VEPH1: variants seen among roughly 807,000 people sequenced by gnomAD.
VEPH1 encodes the protein ventricular zone-expressed PH domain-containing protein homolog 1.
In VEPH1, 80 loss-of-function variants were observed where a neutral mutation model predicts 85.2. That is an observed-to-expected ratio of 0.94 (90% CI 0.78 to 1.13). The LOEUF (loss-of-function observed/expected upper bound fraction) is 1.13. Ranked by LOEUF, VEPH1 falls within the 50% of genes most tolerant of loss-of-function variation. VEPH1 has a pLI of 0.00. For missense variants in VEPH1, 955 were observed against 980.5 expected (o/e 0.97, Z 0.35); for synonymous variants, 297 against 348.0 (o/e 0.85, Z 1.63).
At chr3:157,341,717 T>A (rs1284714905) in intron 9 of VEPH1, among the ~76,000 whole-genome samples, 1 of 151,892 alleles carries the variant, frequency 6.6e-6, no homozygotes, top group East Asian at 1.9e-4. Context: ...CCAAGACACA[T>A]AATTGTCAGA....
intron 2 of VEPH1, among the ~76,000 whole-genome samples, chr3:157,486,867 T>G (rs1316969856): frequency 4.6e-5 from 7 of 152,080 alleles, no homozygotes; most frequent in Non-Finnish European, 1.0e-4. Context: ...AGATTTAACT[T>G]AACAACAAAA....
At chr3:157,440,020 G>A (rs899370089) in intron 4 of VEPH1, among the ~76,000 whole-genome samples, 2 of 152,190 alleles carry the variant, frequency 1.3e-5, no homozygotes, top group African/African-American at 4.8e-5. Context: ...AAAGTGCTGG[G>A]ATTACAGGTG....
At chr3:157,385,421 A>C (rs2108886478) in intron 6 of VEPH1, among the ~76,000 whole-genome samples, 1 of 152,292 alleles carries the variant, frequency 6.6e-6, no homozygotes, top group South Asian at 2.1e-4. Context: ...TACACTCTTG[A>C]AAATGATCAA....
rs575685541 is a variant in VEPH1, at chr3:157,403,723, T to C, written c.906+10158A>G. Among the ~76,000 whole-genome samples, 6 of 152,228 alleles carry C rather than the reference T, an allele frequency of 3.9e-5. No individual in the cohort carries two copies. The South Asian group carries it at 1.2e-3, about 32-fold the overall frequency. On this transcript the variant is annotated intron_variant, in intron 6 of 13. Coordinates refer to ENST00000362010, the MANE Select transcript of VEPH1 (RefSeq NM_001167912.2). Reference sequence around the variant, plus strand: ...TGACATTGTCAAAGATTATGACTGTTAAAGGTTACTGATTATTTACATAAA... The same window carrying C: ...TGACATTGTCAAAGATTATGACTGTCAAAGGTTACTGATTATTTACATAAA...
At chr3:157,272,111 G>A (rs1004536221) in intron 12 of VEPH1, among the ~76,000 whole-genome samples, 9 of 152,174 alleles carry the variant, frequency 5.9e-5, no homozygotes, top group Admixed American at 5.2e-4. Context: ...CTGTAAGGTG[G>A]ATGCCTAATA....
chr3:157,408,246 T>A (rs745412078), intron 6 of VEPH1, among the ~76,000 whole-genome samples: 11 of 152,112 alleles, frequency 7.2e-5, no homozygotes, highest in Non-Finnish European at 1.2e-4. Context: ...CCTTGGCTCA[T>A]CACATGTTTG....
At chr3:157,432,793 A>C (rs538205614) in intron 4 of VEPH1, among the ~76,000 whole-genome samples, 16 of 152,184 alleles carry the variant, frequency 1.1e-4, no homozygotes, top group Non-Finnish European at 2.1e-4. Context: ...GAAAAACCAG[A>C]CTGGGACTTC....
chr3:157,400,581 A>G (rs1218593133), intron 6 of VEPH1, among the ~76,000 whole-genome samples: 2 of 152,122 alleles, frequency 1.3e-5, no homozygotes, highest in Non-Finnish European at 2.9e-5. Flanking sequence ...AAGGGCAGAA[A>G]ACTTGACATG....
chr3:157,445,449 G>A (rs1051845709), intron 4 of VEPH1, among the ~76,000 whole-genome samples: 7 of 152,018 alleles, frequency 4.6e-5, no homozygotes, highest in Non-Finnish European at 1.0e-4. Context: ...GGTGAAACCC[G>A]TTTCTACTAA....
At chr3:157,477,360 T>C (rs1233228186) in intron 2 of VEPH1, among the ~76,000 whole-genome samples, 1 of 152,164 alleles carries the variant, frequency 6.6e-6, no homozygotes, top group East Asian at 1.9e-4. Context: ...CTTGATTATA[T>C]TGGGCCCACC....
intron 7 of VEPH1, among the ~76,000 whole-genome samples, chr3:157,373,225 C>T (rs1727707730): frequency 6.6e-6 from 1 of 152,170 alleles, no homozygotes; most frequent in African/African-American, 2.4e-5. Context: ...TGCACACTTC[C>T]TCTAAGTAGG....
intron 4 of VEPH1, among the ~76,000 whole-genome samples, chr3:157,457,234 C>T (rs1434186816): frequency 6.6e-6 from 1 of 152,166 alleles, no homozygotes; most frequent in Non-Finnish European, 1.5e-5. Flanking sequence ...ATTTTTGTAT[C>T]CTGAGACTTT....
chr3:157,345,186 A>G (rs1724072975), intron 9 of VEPH1, among the ~76,000 whole-genome samples: 1 of 152,192 alleles, frequency 6.6e-6, no homozygotes. Flanking sequence ...TGGGACCTAA[A>G]TAAACTAAAG....
At chr3:157,427,032 G>C (rs1732807047) in intron 5 of VEPH1, among the ~76,000 whole-genome samples, 1 of 151,224 alleles carries the variant, frequency 6.6e-6, no homozygotes, top group African/African-American at 2.4e-5. Flanking sequence ...CTGTTGCCCA[G>C]GCTGGAGCGC....
rs1215442150 is a variant in VEPH1 at position 157,265,501 on chromosome 3, T to C, written c.2265+25A>G. 10 of 1,606,322 alleles carry C rather than the reference T, an allele frequency of 6.2e-6. No individual in the cohort carries two copies. In the South Asian group the frequency reaches 6.6e-5, roughly 11 times the overall value. ...GAGATCAAAACCTTAAAAATGCAAGTGTAAAAGATGATGGAGGAACTTACA... is the reference window on the plus strand; with the variant it reads ...GAGATCAAAACCTTAAAAATGCAAGCGTAAAAGATGATGGAGGAACTTACA... On this transcript the variant is annotated intron_variant, in intron 13 of 13. Transcript: ENST00000362010.
chr3:157,453,268 A>C (rs1252945886), intron 4 of VEPH1, among the ~76,000 whole-genome samples: 1 of 152,192 alleles, frequency 6.6e-6, no homozygotes, highest in African/African-American at 2.4e-5. Context: ...TGGACTTTGC[A>C]GGCATGTGTG....
intron 3 of VEPH1, among the ~76,000 whole-genome samples, chr3:157,467,586 G>A (rs979754875): frequency 3.3e-5 from 5 of 152,132 alleles, no homozygotes; most frequent in African/African-American, 1.2e-4. Context: ...TTAGTTCCTG[G>A]TGCTGCATTT....
intron 12 of VEPH1, among the ~76,000 whole-genome samples, chr3:157,280,067 G>C (rs903215917): frequency 1.3e-5 from 2 of 149,468 alleles, no homozygotes; most frequent in East Asian, 1.9e-4. Flanking sequence ...CTTTTAAATA[G>C]GTGTATTTGT....
chr3:157,288,998 C>CT (rs368137486), intron 11 of VEPH1, among the ~76,000 whole-genome samples: 19 of 151,936 alleles, frequency 1.3e-4, no homozygotes, highest in Admixed American at 2.6e-4. Flanking sequence ...GAAAAAAAGA[C>CT]TTTTTTTTTA....
Sources: gnomAD v4.1 joint callset for allele counts (sites outside exome capture counted in the v4.1 genomes callset) on GRCh38, gnomAD v4.1.1 for gene constraint, MANE v1.5 for transcripts, NCBI Gene and HGNC (gene_info 2026-07-23, HGNC 2026-07-21) for gene names.